RAB27B: variants seen among roughly 807,000 people sequenced by gnomAD.
RAB27B encodes RAB27B, member RAS oncogene family.
RAB27B carries 15 observed loss-of-function variants against 24.6 expected under a neutral mutation model. That is an observed-to-expected ratio of 0.61 (90% CI 0.41 to 0.94). RAB27B has a LOEUF of 0.94. Among genes scored for constraint, RAB27B ranks in the 40% least tolerant of loss-of-function variants. The pLI is 0.00. For missense variants in RAB27B, 261 were observed against 266.8 expected (o/e 0.98, Z 0.15); for synonymous variants, 105 against 92.5 (o/e 1.14, Z -0.78).
chr18:54,842,599 A>G (rs1036199686), intron 1 of RAB27B, among the ~76,000 whole-genome samples: 11 of 152,326 alleles, frequency 7.2e-5, no homozygotes, highest in African/African-American at 2.2e-4. Context: ...TCTTTTTCCT[A>G]TGCGTCAAAG....
chr18:54,778,684 G>C (rs1042790684), intron 2 of RAB27B, among the ~76,000 whole-genome samples: 3 of 152,030 alleles, frequency 2.0e-5, no homozygotes, highest in Admixed American at 2.0e-4. Flanking sequence ...CTTTAACCCA[G>C]TTTTCTGCCC....
chr18:54,732,925 A>G (rs1405934582), intron 2 of RAB27B, among the ~76,000 whole-genome samples: 1 of 152,148 alleles, frequency 6.6e-6, no homozygotes, highest in Non-Finnish European at 1.5e-5. Flanking sequence ...CTTTTCCCCC[A>G]TATGTTATTG....
chr18:54,865,638 C>G (rs1385321568), intron 1 of RAB27B, among the ~76,000 whole-genome samples: 1 of 152,160 alleles, frequency 6.6e-6, no homozygotes, highest in African/African-American at 2.4e-5. Flanking sequence ...TTCTTTGATC[C>G]ATTTGCTATT....
intron 2 of RAB27B, among the ~76,000 whole-genome samples, chr18:54,768,512 C>T (rs1908438666): frequency 6.6e-6 from 1 of 152,030 alleles, no homozygotes; most frequent in African/African-American, 2.4e-5. Flanking sequence ...TTGATTCCAC[C>T]TTTGCCTCTT....
rs763804516 is a variant in RAB27B, at chr18:54,725,010, G to A, written c.-20+6869G>A. ...GTAAGAGAACTTTTCTAGACCAATA[G>A]TGGAATCTCAGTGAGAGCTCAGTGG... On this transcript the variant is annotated intron_variant, in intron 2 of 4. Coordinates refer to the RAB27B transcript ENST00000586570. Among the ~76,000 whole-genome samples the A allele has an allele frequency of 1.3e-4, 19 of 151,552 alleles. 1 individual carries two copies. The highest frequency in any genetic ancestry group is 2.4e-4 in the Non-Finnish European group (16 of 67,822).
rs895078577 is a variant in RAB27B at position 54,721,936 on chromosome 18, C to A, written c.-20+3795C>A. 2.6e-5 allele frequency among the ~76,000 whole-genome samples: 4 copies of A among 152,098 alleles called. No homozygotes were observed. In the East Asian group the frequency reaches 7.7e-4, roughly 29 times the overall value. The stretch of plus-strand genomic sequence containing the variant: ...AACAGCAAGTGTGTGGATTTAGAAG[C>A]AAACCTGCTGCAGTTTAAATCCATT... On this transcript the variant is annotated intron_variant, in intron 2 of 4. Coordinates refer to the RAB27B transcript ENST00000586570.
At chr18:54,802,063 A>T (rs1909629999) in intron 2 of RAB27B, among the ~76,000 whole-genome samples, 1 of 152,232 alleles carries the variant, frequency 6.6e-6, no homozygotes, top group African/African-American at 2.4e-5. Context: ...CTATGGGATT[A>T]TCTAAGCTAC....
At chr18:54,738,531 A>G (rs1272878119) in intron 2 of RAB27B, among the ~76,000 whole-genome samples, 1 of 152,106 alleles carries the variant, frequency 6.6e-6, no homozygotes, top group Non-Finnish European at 1.5e-5. Flanking sequence ...CCATGATTGT[A>G]AGTTTCCTGA....
intron 1 of RAB27B, among the ~76,000 whole-genome samples, chr18:54,874,071 G>T (rs1232894833): frequency 3.3e-5 from 5 of 152,158 alleles, no homozygotes; most frequent in African/African-American, 4.8e-5. Flanking sequence ...ATTGCCCCAG[G>T]CAGGTTTATG....
intron 2 of RAB27B, among the ~76,000 whole-genome samples, chr18:54,818,570 A>G (rs1046631876): frequency 1.3e-5 from 2 of 152,070 alleles, no homozygotes; most frequent in Non-Finnish European, 2.9e-5. Context: ...AAGGCATTCA[A>G]CCATGTGGTT....
chr18:54,849,606 AG>A (rs1911476222), intron 1 of RAB27B, among the ~76,000 whole-genome samples: 1 of 152,156 alleles, frequency 6.6e-6, no homozygotes, highest in African/African-American at 2.4e-5. Flanking sequence ...CTGTAATTCC[AG>A]CTACTCAGAA....
chr18:54,805,683 C>T (rs554623463), intron 2 of RAB27B, among the ~76,000 whole-genome samples: 4 of 152,252 alleles, frequency 2.6e-5, no homozygotes, highest in Admixed American at 1.3e-4. Context: ...CTTGAAAGTA[C>T]AGTACAGGTT....
At chr18:54,814,130 A>G (rs1910050940) in intron 2 of RAB27B, among the ~76,000 whole-genome samples, 1 of 152,202 alleles carries the variant, frequency 6.6e-6, no homozygotes, top group Non-Finnish European at 1.5e-5. Context: ...GAGTGGATGA[A>G]CAGTAATTTA....
At chr18:54,868,754 G>A (rs902169525) in intron 1 of RAB27B, among the ~76,000 whole-genome samples, 2 of 152,050 alleles carry the variant, frequency 1.3e-5, no homozygotes, top group African/African-American at 4.8e-5. Flanking sequence ...AGCCTCCCAA[G>A]TAGCTGAGAT....
intron 1 of RAB27B, among the ~76,000 whole-genome samples, chr18:54,842,098 TCTAAA>T (rs1911142359): frequency 1.3e-5 from 2 of 152,244 alleles, no homozygotes; most frequent in African/African-American, 2.4e-5. Flanking sequence ...GAGGAATAGC[TCTAAA>T]CTAAACTAAT....
intron 2 of RAB27B, among the ~76,000 whole-genome samples, chr18:54,733,932 A>G (rs767992968): frequency 2.0e-5 from 3 of 152,204 alleles, no homozygotes; most frequent in African/African-American, 7.2e-5. Flanking sequence ...AAGTAAGAAG[A>G]GTCTAAAAAT....
At chr18:54,863,027 C>T (rs1912067967) in intron 1 of RAB27B, among the ~76,000 whole-genome samples, 1 of 152,058 alleles carries the variant, frequency 6.6e-6, no homozygotes, top group South Asian at 2.1e-4. Context: ...AAAAAGGCAA[C>T]CAGATTTTGA....
At chr18:54,790,103 C>A (rs1437166103) in intron 2 of RAB27B, among the ~76,000 whole-genome samples, 1 of 151,892 alleles carries the variant, frequency 6.6e-6, no homozygotes, top group Non-Finnish European at 1.5e-5. Context: ...CCTGGTCATT[C>A]CATTGTCAGG....
At chr18:54,840,596 C>T (rs1045306459) in intron 1 of RAB27B, among the ~76,000 whole-genome samples, 34 of 143,066 alleles carry the variant, frequency 2.4e-4, no homozygotes, top group African/African-American at 6.7e-4. Context: ...TATTCCATTA[C>T]ACTGGCAGAT....
Sources: gnomAD v4.1 joint callset for allele counts (sites outside exome capture counted in the v4.1 genomes callset) on GRCh38, gnomAD v4.1.1 for gene constraint, MANE v1.5 for transcripts, NCBI Gene and HGNC (gene_info 2026-07-23, HGNC 2026-07-21) for gene names.